OPCML: variants seen among roughly 807,000 people sequenced by gnomAD.
OPCML encodes the protein opioid-binding protein/cell adhesion molecule.
OPCML carries 13 observed loss-of-function variants against 37.8 expected under a neutral mutation model. The observed-to-expected ratio is 0.34, with a 90% CI of 0.22 to 0.55. The LOEUF is 0.55. Ranked by LOEUF, OPCML falls within the 20% of genes least tolerant of loss-of-function variation. OPCML has a pLI of 0.91. For missense variants in OPCML, 341 were observed against 435.6 expected, an observed-to-expected ratio of 0.78 and a Z score of 1.93; for synonymous variants, 176 against 168.8, an observed-to-expected ratio of 1.04 and a Z score of -0.33.
At chr11:133,439,292 GTTTTTTTTT>G (rs61423385) in intron 1 of OPCML, 3 of 880,554 alleles carry the variant, frequency 3.4e-6, no homozygotes, top group Non-Finnish European at 4.1e-6. Context: ...AGTAAAAGAT[GTTTTTTTTT>G]TTTTTTTAAA....
chr11:132,746,725 G>A (rs1272018063), intron 2 of OPCML, among the ~76,000 whole-genome samples: 1 of 152,186 alleles, frequency 6.6e-6, no homozygotes, highest in Non-Finnish European at 1.5e-5. Context: ...TCATAACGTA[G>A]CATCACAGAG....
At chr11:133,176,034 G>A (rs1416026066) in intron 1 of OPCML, among the ~76,000 whole-genome samples, 2 of 152,124 alleles carry the variant, frequency 1.3e-5, no homozygotes, top group Non-Finnish European at 2.9e-5. Context: ...CATCTCCTGG[G>A]CCCCTATTAA....
intron 4 of OPCML, among the ~76,000 whole-genome samples, chr11:132,440,307 T>C (rs1268808583): frequency 6.6e-6 from 1 of 152,228 alleles, no homozygotes; most frequent in Non-Finnish European, 1.5e-5. Context: ...GCTTCTCAGA[T>C]TTTAATTTGC....
intron 2 of OPCML, among the ~76,000 whole-genome samples, chr11:132,912,120 T>C (rs1380904238): frequency 1.3e-5 from 2 of 151,492 alleles, no homozygotes; most frequent in Admixed American, 1.3e-4. Context: ...GGACTCTTTC[T>C]GACATATAAA....
intron 7 of OPCML, among the ~76,000 whole-genome samples, chr11:132,428,001 A>C (rs1345253779): frequency 6.6e-6 from 1 of 152,202 alleles, no homozygotes; most frequent in Non-Finnish European, 1.5e-5. Context: ...TAAATTGTGG[A>C]GTTGAAAAAT....
chr11:133,190,809 A>G (rs551825668), intron 1 of OPCML, among the ~76,000 whole-genome samples: 1 of 152,100 alleles, frequency 6.6e-6, no homozygotes, highest in African/African-American at 2.4e-5. Flanking sequence ...AACATGTATT[A>G]GTGTTTTATT....
chr11:133,249,664 A>G (rs949969273), intron 1 of OPCML, among the ~76,000 whole-genome samples: 1 of 152,186 alleles, frequency 6.6e-6, no homozygotes, highest in African/African-American at 2.4e-5. Context: ...GACTGTTGAT[A>G]TATTTCAAAC....
chr11:133,162,860 A>C (rs4937752), intron 1 of OPCML, among the ~76,000 whole-genome samples: 34,942 of 152,086 alleles, frequency 0.23, 4,147 homozygotes, highest in South Asian at 0.33. Flanking sequence ...CCTTCATAGT[A>C]GCGAAACGAG....
chr11:132,564,980 G>T (rs2096419021), intron 3 of OPCML, among the ~76,000 whole-genome samples: 1 of 152,268 alleles, frequency 6.6e-6, no homozygotes, highest in African/African-American at 2.4e-5. Context: ...AACAACAATG[G>T]CAAATCTCAC....
chr11:132,973,087 C>T (rs148327654), intron 1 of OPCML, among the ~76,000 whole-genome samples: 4 of 152,306 alleles, frequency 2.6e-5, no homozygotes, highest in Admixed American at 1.3e-4. Context: ...TTTTAATCAA[C>T]TTTTGTGCTA....
intron 2 of OPCML, among the ~76,000 whole-genome samples, chr11:132,777,571 C>G (rs1591595872): frequency 1.3e-5 from 2 of 152,260 alleles, no homozygotes; most frequent in Middle Eastern, 6.8e-3. Context: ...TACTATGTTG[C>G]ATAATTAATC....
chr11:133,075,132 C>G lies in OPCML; in HGVS notation c.62-132122G>C, dbSNP rs886217006. 4.6e-5 allele frequency among the ~76,000 whole-genome samples: 7 copies of G among 152,152 alleles called. No individual in the cohort carries two copies. The South Asian group carries it at 8.3e-4, about 18-fold the overall frequency. On this transcript the variant is annotated intron_variant, in intron 1 of 7. Transcript: ENST00000524381. ...GTCACAGACTGAGTAGTAGACAAGGCTCACCTCCTCCCCATACCCCCTTTC... is the reference window on the plus strand; with the variant it reads ...GTCACAGACTGAGTAGTAGACAAGGGTCACCTCCTCCCCATACCCCCTTTC...
rs188968495 is a variant in OPCML at position 132,688,030 on chromosome 11, T to C, written c.147-30711A>G. On this transcript the variant is annotated intron_variant, in intron 2 of 7. Coordinates refer to ENST00000524381, the MANE Select transcript of OPCML (RefSeq NM_001012393.5). ...ACTTAATCATTCTGGATGTTGCTGC[T>C]TCTATCCGGGAAATGACGATTCTAT... is the stretch of plus-strand genomic sequence containing the variant. Among the ~76,000 whole-genome samples, 377 of 152,318 alleles carry C rather than the reference T, an allele frequency of 2.5e-3. 3 individuals are homozygous for C. Among genetic ancestry groups the C allele is most frequent in the South Asian group, 5.2e-3 (25 of 4,826 alleles).
chr11:133,209,765 A>G (rs1939275523), intron 1 of OPCML, among the ~76,000 whole-genome samples: 1 of 152,242 alleles, frequency 6.6e-6, no homozygotes, highest in Non-Finnish European at 1.5e-5. Flanking sequence ...AAGGCAACTA[A>G]AGAAATGAGC....
chr11:133,489,392 CAAAT>C (rs1223248129), intron 1 of OPCML, among the ~76,000 whole-genome samples: 2 of 150,240 alleles, frequency 1.3e-5, no homozygotes, highest in Non-Finnish European at 3.0e-5. Context: ...AATAAAAAAA[CAAAT>C]AACCCCATTT....
At chr11:133,438,696 G>C (rs936302879) in intron 1 of OPCML, among the ~76,000 whole-genome samples, 1 of 152,094 alleles carries the variant, frequency 6.6e-6, no homozygotes, top group African/African-American at 2.4e-5. Context: ...ACTTCAGGAG[G>C]GGGGCTGCTT....
intron 1 of OPCML, among the ~76,000 whole-genome samples, chr11:133,039,035 T>G (rs1010004563): frequency 2.0e-5 from 3 of 152,182 alleles, no homozygotes; most frequent in African/African-American, 7.2e-5. Flanking sequence ...AATGCCCCCA[T>G]TCCCACTTCC....
intron 2 of OPCML, among the ~76,000 whole-genome samples, chr11:132,713,343 G>T (rs1226263066): frequency 2.0e-5 from 3 of 152,080 alleles, no homozygotes; most frequent in Non-Finnish European, 2.9e-5. Context: ...TGATTTCCAG[G>T]AAGGGCTTGG....
intron 3 of OPCML, among the ~76,000 whole-genome samples, chr11:132,568,995 C>A (rs936620597): frequency 6.6e-6 from 1 of 152,108 alleles, no homozygotes; most frequent in Non-Finnish European, 1.5e-5. Flanking sequence ...CATTATGGAT[C>A]GCCAATGGTA....
Sources: allele counts gnomAD v4.1 joint callset (sites outside exome capture counted in the v4.1 genomes callset), GRCh38; gene constraint gnomAD v4.1.1; transcripts MANE v1.5; gene names NCBI Gene and HGNC (gene_info 2026-07-23, HGNC 2026-07-21).